NKAIN2: variants seen among roughly 807,000 people sequenced by gnomAD.
The protein encoded by NKAIN2 is sodium/potassium transporting ATPase interacting 2, also known as sodium/potassium-transporting ATPase subunit beta-1-interacting protein 2.
Under a neutral mutation model 32.6 loss-of-function variants are expected in NKAIN2, and 14 were observed. That is an observed-to-expected ratio of 0.43 (90% CI 0.28 to 0.67). The LOEUF is 0.67. Ranked by LOEUF, NKAIN2 falls within the 30% of genes least tolerant of loss-of-function variation. NKAIN2 has a pLI of 0.17. For synonymous variants in NKAIN2, 80 were observed against 87.2 expected (o/e 0.92, Z 0.46); for missense variants, 198 against 258.3 (o/e 0.77, Z 1.60).
At chr6:124,719,000 A>G (rs991543401) in intron 4 of NKAIN2, among the ~76,000 whole-genome samples, 7 of 152,228 alleles carry the variant, frequency 4.6e-5, no homozygotes, top group Non-Finnish European at 7.3e-5. Context: ...GTGACTGACT[A>G]GTAAAGAAGA....
intron 1 of NKAIN2, among the ~76,000 whole-genome samples, chr6:123,943,634 A>G (rs918703618): frequency 1.1e-4 from 16 of 152,078 alleles, no homozygotes; most frequent in Non-Finnish European, 1.6e-4. Flanking sequence ...CATATGAAGT[A>G]TCTGACTCAT....
At chr6:123,983,424 C>T (rs1280730361) in intron 1 of NKAIN2, among the ~76,000 whole-genome samples, 1 of 152,140 alleles carries the variant, frequency 6.6e-6, no homozygotes, top group Non-Finnish European at 1.5e-5. Context: ...AGTGCCCTTC[C>T]AGCCATACAA....
intron 2 of NKAIN2, among the ~76,000 whole-genome samples, chr6:124,309,860 T>A (rs1030611275): frequency 6.6e-6 from 1 of 152,156 alleles, no homozygotes; most frequent in Non-Finnish European, 1.5e-5. Flanking sequence ...TTTCTAACTT[T>A]CTTGCTCTTT....
At chr6:124,028,887 GTATATATATATATATACACA>G (rs1781266037) in intron 1 of NKAIN2, among the ~76,000 whole-genome samples, 1 of 44,716 alleles carries the variant, frequency 2.2e-5, no homozygotes, top group African/African-American at 4.6e-5. Flanking sequence ...ATATATATGT[GTATATATATATATATACACA>G]TATATGTATA....
intron 1 of NKAIN2, among the ~76,000 whole-genome samples, chr6:124,166,468 G>A (rs1218585670): frequency 1.3e-5 from 2 of 150,430 alleles, no homozygotes; most frequent in African/African-American, 2.4e-5. Flanking sequence ...TTTGTAGGTT[G>A]CCTGTTCACT....
At chr6:124,275,360 A>G (rs1794983189) in intron 1 of NKAIN2, among the ~76,000 whole-genome samples, 1 of 152,154 alleles carries the variant, frequency 6.6e-6, no homozygotes, top group African/African-American at 2.4e-5. Context: ...AATGCCATGT[A>G]TGATATTTCA....
At chr6:124,790,502 C>G (rs779924776) in intron 4 of NKAIN2, among the ~76,000 whole-genome samples, 1 of 152,018 alleles carries the variant, frequency 6.6e-6, no homozygotes, top group Non-Finnish European at 1.5e-5. Context: ...GAGGACATAC[C>G]TTTAAGGATT....
intron 3 of NKAIN2, among the ~76,000 whole-genome samples, chr6:124,564,600 G>C (rs1780831894): frequency 6.6e-6 from 1 of 152,080 alleles, no homozygotes; most frequent in Non-Finnish European, 1.5e-5. Context: ...TTGTGTCCTT[G>C]CCACTTTTAA....
chr6:124,576,435 A>G (rs1261454466), intron 3 of NKAIN2, among the ~76,000 whole-genome samples: 1 of 152,212 alleles, frequency 6.6e-6, no homozygotes, highest in Non-Finnish European at 1.5e-5. Flanking sequence ...CTTCTAAGCA[A>G]AAGTTAGAAT....
intron 1 of NKAIN2, among the ~76,000 whole-genome samples, chr6:124,123,995 T>C (rs163297): frequency 0.69 from 104,721 of 151,406 alleles, 36,489 homozygotes; most frequent in African/African-American, 0.77. Context: ...TTAGGATGAG[T>C]GATCACAGTC....
At position 124,774,516 on chromosome 6, in the gene NKAIN2, G is replaced by C. The variant is rs1449969291; in HGVS notation, c.475-16823G>C. 5.9e-5 allele frequency among the ~76,000 whole-genome samples: 9 copies of C among 152,112 alleles called. No individual in the cohort carries two copies. The East Asian group carries it at 1.5e-3, about 26-fold the overall frequency. On this transcript the variant is annotated intron_variant, in intron 4 of 6. Transcript: ENST00000368417. ...AATGTCTACTAAGACGTTCTGAGGG[G>C]AGATGTCTGGTGGGAAGTCAGACAC...
chr6:124,380,262 G>A (rs1562142475), intron 3 of NKAIN2, among the ~76,000 whole-genome samples: 1 of 152,116 alleles, frequency 6.6e-6, no homozygotes. Flanking sequence ...CTATGCTATT[G>A]TCAAGATGCT....
chr6:123,865,262 CAA>C (rs1223011598), intron 1 of NKAIN2, among the ~76,000 whole-genome samples: 3 of 151,780 alleles, frequency 2.0e-5, no homozygotes, highest in Non-Finnish European at 2.9e-5. Context: ...GAATTTTTTT[CAA>C]AGAGATAAAT....
chr6:123,983,681 T>C (rs1331904077), intron 1 of NKAIN2, among the ~76,000 whole-genome samples: 1 of 152,120 alleles, frequency 6.6e-6, no homozygotes, highest in East Asian at 1.9e-4. Flanking sequence ...ATTCATGGTA[T>C]TTGCTGCAAC....
chr6:123,830,150 G>A (rs971069442), intron 1 of NKAIN2, among the ~76,000 whole-genome samples: 5 of 152,016 alleles, frequency 3.3e-5, no homozygotes, highest in Non-Finnish European at 7.4e-5. Context: ...TTATTGGCTG[G>A]GTTCATCTCT....
chr6:124,470,866 T>C (rs748894829), intron 3 of NKAIN2, among the ~76,000 whole-genome samples: 111 of 152,342 alleles, frequency 7.3e-4, no homozygotes, highest in Non-Finnish European at 2.2e-4. Flanking sequence ...GCTAAACTTA[T>C]GTTTTTCTTT....
intron 2 of NKAIN2, among the ~76,000 whole-genome samples, chr6:124,321,026 G>T (rs1219853997): frequency 1.3e-5 from 2 of 152,128 alleles, no homozygotes; most frequent in African/African-American, 2.4e-5. Context: ...CATCTCAAAG[G>T]CTGTAGCACC....
At chr6:124,577,129 A>G (rs1041120447) in intron 3 of NKAIN2, among the ~76,000 whole-genome samples, 1 of 151,318 alleles carries the variant, frequency 6.6e-6, no homozygotes, top group Non-Finnish European at 1.5e-5. Context: ...AAAATGAGCA[A>G]GAAAGGAGAT....
At chr6:124,760,152 A>G (rs1283343284) in intron 4 of NKAIN2, among the ~76,000 whole-genome samples, 2 of 152,128 alleles carry the variant, frequency 1.3e-5, no homozygotes, top group African/African-American at 2.4e-5. Context: ...ACGCAGGAAC[A>G]GAAAACCAAA....
Sources: allele counts gnomAD v4.1 joint callset (sites outside exome capture counted in the v4.1 genomes callset), GRCh38; gene constraint gnomAD v4.1.1; transcripts MANE v1.5; gene names NCBI Gene and HGNC (gene_info 2026-07-23, HGNC 2026-07-21).